Variants in CRBN observed in about 807,000 individuals in gnomAD.
The protein encoded by CRBN is protein cereblon.
A neutral mutation model predicts 62.2 loss-of-function variants in CRBN; 53 were observed. The observed-to-expected ratio is 0.85, with a 90% CI of 0.68 to 1.07. The LOEUF (loss-of-function observed/expected upper bound fraction) is 1.07. Among genes scored for constraint, CRBN ranks in the 50% least tolerant of loss-of-function variants. The probability of loss-of-function intolerance (pLI) is 0.00; values close to 1 mark genes in which losing one functional copy is unlikely to be tolerated. For synonymous variants in CRBN, 208 were observed against 176.1 expected (o/e 1.18, Z -1.43); for missense variants, 616 against 531.1 (o/e 1.16, Z -1.57).
chr3:3,158,486 T>A (rs1165616826), intron 5 of CRBN, among the ~76,000 whole-genome samples: 1 of 152,176 alleles, frequency 6.6e-6, no homozygotes, highest in Non-Finnish European at 1.5e-5. Flanking sequence ...TACTCTCCAA[T>A]AAGTTGTCCC....
intron 5 of CRBN, among the ~76,000 whole-genome samples, chr3:3,160,970 T>C (rs975162186): frequency 1.3e-5 from 2 of 152,112 alleles, no homozygotes; most frequent in African/African-American, 2.4e-5. Context: ...TATATCAGGA[T>C]CAACTGCACA....
intron 2 of CRBN, 83 bp from the exon 3 acceptor site, chr3:3,174,344 A>G: frequency 3.6e-6 from 4 of 1,108,782 alleles, no homozygotes; most frequent in Non-Finnish European, 5.4e-6. Context: ...AGCAAATCAC[A>G]TTAAAAGAAA....
chr3:3,156,030 C>A, intron 6 of CRBN, 189 bp downstream of exon 6: 1 of 582,098 alleles, frequency 1.7e-6, no homozygotes, highest in Non-Finnish European at 3.1e-6. Context: ...TCTTGAATGC[C>A]TGGCTTCAAG....
In CRBN at chr3:3,150,012, T is replaced by TAA. The variant is rs1010912949; in HGVS notation, c.*852_*853insTT. The TAA allele has an allele frequency of 6.6e-6, 1 of 152,166 alleles. No individual in the cohort carries two copies. Among genetic ancestry groups the TAA allele is most frequent in the Non-Finnish European group, 1.5e-5 (1 of 68,016 alleles). The allele number at this position is 152,166 out of a possible 1,614,324, so 9.4% of individuals were successfully genotyped here. A position where few individuals can be genotyped will look rare whatever the true frequency, so the allele number is the denominator to read the frequency against. ...TACATTATTTGAACAAAGAACATGT[T>TAA]TAGTTTCACACTTAAGGTTTACTTA... On this transcript the variant is annotated 3_prime_UTR_variant, in exon 11 of 11. Coordinates refer to ENST00000231948, the MANE Select transcript of CRBN (RefSeq NM_016302.4).
chr3:3,177,605 C>T (rs1575104043), intron 1 of CRBN, among the ~76,000 whole-genome samples: 1 of 152,320 alleles, frequency 6.6e-6, no homozygotes, highest in East Asian at 1.9e-4. Flanking sequence ...GCACAACCCA[C>T]TTTATTGCTC....
intron 6 of CRBN, chr3:3,155,935 C>G: frequency 2.8e-6 from 1 of 362,992 alleles, no homozygotes; most frequent in East Asian, 6.6e-5. Context: ...GCCTCTCAAG[C>G]AGCTGGGACT....
At chr3:3,153,510 T>C in intron 8 of CRBN, 22 bp from the exon 9 acceptor site, 1 of 1,418,660 alleles carries the variant, frequency 7.0e-7, no homozygotes, top group Non-Finnish European at 1.0e-6. Flanking sequence ...GAGAGAAAAA[T>C]TATTGGTAGG....
At chr3:3,175,779 C>A (rs1287475518) in intron 1 of CRBN, among the ~76,000 whole-genome samples, 2 of 152,010 alleles carry the variant, frequency 1.3e-5, no homozygotes, top group Non-Finnish European at 2.9e-5. Context: ...ACTGGTCAGG[C>A]CTTTTGTAGA....
intron 5 of CRBN, 163 bp downstream of exon 5, chr3:3,167,471 A>G: frequency 1.5e-6 from 1 of 647,304 alleles, no homozygotes; most frequent in East Asian, 2.8e-5. Flanking sequence ...GCTTTTACAT[A>G]AAGTAGCTGC....
intron 5 of CRBN, among the ~76,000 whole-genome samples, chr3:3,158,867 T>G (rs1027179265): frequency 3.3e-5 from 5 of 152,194 alleles, no homozygotes; most frequent in African/African-American, 9.7e-5. Context: ...AATCTCATCT[T>G]GAATTGTAGT....
intron 9 of CRBN, chr3:3,152,812 CA>C: frequency 1.7e-6 from 1 of 573,046 alleles, no homozygotes; most frequent in Non-Finnish European, 3.1e-6. Context: ...TGTGATGACC[CA>C]AAGGAAATAG....
intron 5 of CRBN, among the ~76,000 whole-genome samples, chr3:3,166,887 G>A (rs1435810072): frequency 6.6e-6 from 1 of 151,460 alleles, no homozygotes; most frequent in African/African-American, 2.4e-5. Context: ...ACAAAGGAAT[G>A]ATTAATAGAG....
intron 5 of CRBN, among the ~76,000 whole-genome samples, chr3:3,158,193 G>A (rs777198553): frequency 2.0e-5 from 3 of 152,178 alleles, no homozygotes; most frequent in Non-Finnish European, 2.9e-5. Context: ...TTCTCATAAG[G>A]AGCACGCAGT....
chr3:3,154,125 CAG>C (rs1442049832), intron 7 of CRBN, 50 bp from the exon 8 acceptor site: 4 of 1,068,860 alleles, frequency 3.7e-6, no homozygotes, highest in Non-Finnish European at 5.8e-6. Context: ...AGATAAGCAT[CAG>C]AGAACTTACA....
chr3:3,152,598 G>T lies in CRBN; in HGVS notation c.1017-11C>A. ...CCACATAAGGATAAACTAAAACAAA[G>T]AATCAACATGGAGAACACGTCAAAA... On this transcript the variant is annotated splice_polypyrimidine_tract_variant and intron_variant, in intron 9 of 10. Coordinates refer to ENST00000231948, the MANE Select transcript of CRBN (RefSeq NM_016302.4). 1 of 1,613,842 alleles carries T rather than the reference G, an allele frequency of 6.2e-7. No homozygotes were observed. The highest frequency in any genetic ancestry group is 8.5e-7 in the Non-Finnish European group (1 of 1,179,896).
intron 5 of CRBN, among the ~76,000 whole-genome samples, chr3:3,166,251 A>G (rs973827664): frequency 2.0e-5 from 3 of 152,160 alleles, no homozygotes; most frequent in East Asian, 3.8e-4. Context: ...AATGAGTCTC[A>G]TGAGATCTGA....
At chr3:3,154,336 C>T in intron 7 of CRBN, 1 of 494,798 alleles carries the variant, frequency 2.0e-6, no homozygotes, top group East Asian at 3.9e-5. Flanking sequence ...AAGTTATTTG[C>T]CAAGAGACTA....
Position 3,150,214 on chromosome 3 carries a change from C to CAAAT in CRBN, c.*647_*650dup, listed in dbSNP as rs1470276304. The CAAAT allele has an allele frequency of 6.6e-6, 1 of 152,190 alleles. No homozygotes were observed. The highest frequency in any genetic ancestry group is 6.5e-5 in the Admixed American group (1 of 15,284). The allele number at this position is 152,190 out of a possible 1,614,324, so 9.4% of individuals were successfully genotyped here. A position where few individuals can be genotyped will look rare whatever the true frequency, so the allele number is the denominator to read the frequency against. The stretch of plus-strand genomic sequence containing the variant: ...ATGGGCTTATAGTTCAGATACTGAG[C>CAAAT]AAATACACAATACTACTTTTTACTA... On this transcript the variant is annotated 3_prime_UTR_variant, in exon 11 of 11. Transcript: ENST00000231948.
chr3:3,160,784 T>A (rs529991126), intron 5 of CRBN, among the ~76,000 whole-genome samples: 1 of 152,086 alleles, frequency 6.6e-6, no homozygotes, highest in Non-Finnish European at 1.5e-5. Flanking sequence ...GTGCCAACAT[T>A]AACAACAATA....
Sources: allele counts gnomAD v4.1 joint callset (sites outside exome capture counted in the v4.1 genomes callset), GRCh38; gene constraint gnomAD v4.1.1; transcripts MANE v1.5; gene names NCBI Gene and HGNC (gene_info 2026-07-23, HGNC 2026-07-21).